The following PDE4DIP variants were observed in gnomAD, a reference collection of about 807,000 sequenced individuals.
PDE4DIP encodes the protein phosphodiesterase 4D interacting protein.
Under a neutral mutation model 221.4 loss-of-function variants are expected in PDE4DIP, and 59 were observed. That is an observed-to-expected ratio of 0.27 (90% CI 0.22 to 0.33). The LOEUF (loss-of-function observed/expected upper bound fraction) is 0.33. Ranked by LOEUF, PDE4DIP falls within the 10% of genes least tolerant of loss-of-function variation. The pLI is 1.00. For synonymous variants in PDE4DIP, 404 were observed against 815.9 expected (o/e 0.50, Z 8.60); for missense variants, 1,036 against 2,154.2 (o/e 0.48, Z 10.28).
At chr1:149,010,395 G>A (rs782108632) in intron 30 of PDE4DIP, 48 bp from the exon 34 acceptor site, 2 of 1,587,210 alleles carry the variant, frequency 1.3e-6, no homozygotes, top group South Asian at 2.2e-5. Flanking sequence ...CAGGATTCCA[G>A]TTCTCTGTAG....
chr1:148,934,664 C>CT (rs2048799659), intron 4 of PDE4DIP, among the ~76,000 whole-genome samples: 1 of 152,060 alleles, frequency 6.6e-6, no homozygotes, highest in African/African-American at 2.4e-5. Flanking sequence ...AGTACAGTGG[C>CT]AAGATCTCGG....
chr1:148,822,392 T>C (rs1309267099), intron 1 of PDE4DIP, among the ~76,000 whole-genome samples: 666 of 119,590 alleles, frequency 5.6e-3, no homozygotes, highest in African/African-American at 0.019. Flanking sequence ...CTCCACCTCC[T>C]GTCGATCAGC....
At chr1:149,009,501 G>A in intron 29 of PDE4DIP, 67 bp from the exon 33 acceptor site, 2 of 1,008,460 alleles carry the variant, frequency 2.0e-6, no homozygotes, top group South Asian at 1.4e-5. Flanking sequence ...TTTCCTATGA[G>A]CCATAGTCAG....
At chr1:149,031,825 A>C in intron 43 of PDE4DIP, 119 bp from the exon 47 acceptor site, 1 of 885,932 alleles carries the variant, frequency 1.1e-6, no homozygotes, top group South Asian at 1.4e-5. Flanking sequence ...CATCCTCTTA[A>C]CTGGCTCTCA....
At position 149,031,885 on chromosome 1, in the gene PDE4DIP, A is replaced by G. The variant is rs201581014; in HGVS notation, c.7000-59A>G. The stretch of plus-strand genomic sequence containing the variant: ...CGTAGCTCTCACTCCAGCTTCAGGT[A>G]GCCATCAGTAGGGCCTGGCAATATA... On this transcript the variant is annotated intron_variant, in intron 43 of 43. Coordinates refer to ENST00000369354, the Ensembl canonical transcript of PDE4DIP. 7.2e-4 allele frequency: 1,107 copies of G among 1,533,150 alleles called. 13 individuals carry two copies. The East Asian group carries it at 0.02, about 28-fold the overall frequency. The allele number at this position is 1,533,150 out of a possible 1,614,324, so 95.0% of individuals were successfully genotyped here. A position where few individuals can be genotyped will look rare whatever the true frequency, so the allele number is the denominator to read the frequency against.
rs782218026 is a variant in PDE4DIP, at chr1:149,028,710, T to C, written c.6813+7T>C. ...TGTGCTGCCTGGCAAAGTGGTAAGA[T>C]GCCAGTGCCCTTTCTTGGTTCAAAC... On this transcript the variant is annotated splice_region_variant and intron_variant, in intron 41 of 43. Transcript: ENST00000369354. 2.1e-5 allele frequency: 33 copies of C among 1,535,224 alleles called. No individual in the cohort carries two copies. The highest frequency in any genetic ancestry group is 1.2e-4 in the African/African-American group (9 of 72,634).
rs1358441711 is a variant in PDE4DIP at position 148,915,193 on chromosome 1, G to C, written c.142-14004G>C. Among the ~76,000 whole-genome samples the C allele has an allele frequency of 7.6e-4, 116 of 152,168 alleles. 1 individual carries two copies. The highest frequency in any genetic ancestry group is 2.6e-3 in the African/African-American group (109 of 41,384). ...GACAGAGTATGTCCCTGTTGCCCAG[G>C]CTGGAGTGCAGTGGTGCAATCTCGG... On this transcript the variant is annotated intron_variant, in intron 1 of 43. Transcript: ENST00000369354.
At chr1:149,001,811 A>G (rs1320775775) in exon 24 of PDE4DIP, 35 of 1,490,902 alleles carry the variant, frequency 2.3e-5, no homozygotes, top group Non-Finnish European at 3.0e-5. Context: ...CAACCTCCTC[A>G]AAGAACAACT....
chr1:148,962,935 A>C (rs2057280874), intron 9 of PDE4DIP, among the ~76,000 whole-genome samples: 1 of 152,104 alleles, frequency 6.6e-6, no homozygotes, highest in African/African-American at 2.4e-5. Context: ...CTCTGTCGCC[A>C]AGGTTGGAGT....
chr1:148,978,097 C>T, intron 18 of PDE4DIP, 44 bp downstream of exon 21: 1 of 1,555,208 alleles, frequency 6.4e-7, no homozygotes. Flanking sequence ...GTTCACAGCT[C>T]AGAATACCTG....
chr1:148,963,913 C>CAT (rs2057596491), intron 9 of PDE4DIP, among the ~76,000 whole-genome samples: 1 of 148,034 alleles, frequency 6.8e-6, no homozygotes, highest in Admixed American at 6.7e-5. Flanking sequence ...GCCGCCACCA[C>CAT]GCCCGGCTAA....
chr1:148,922,712 G>T (rs12126306), intron 1 of PDE4DIP, among the ~76,000 whole-genome samples: 1 of 148,344 alleles, frequency 6.7e-6, no homozygotes, highest in African/African-American at 2.5e-5. Flanking sequence ...CTCAGCCTCC[G>T]GAGTAGCTGG....
intron 21 of PDE4DIP, 157 bp downstream of exon 24, chr1:148,981,554 C>A (rs782048262): frequency 4.9e-6 from 4 of 821,602 alleles, no homozygotes; most frequent in Non-Finnish European, 7.9e-6. Flanking sequence ...AATGATAGAA[C>A]TGGTACAAGT....
chr1:148,844,286 C>A (rs1187021693), intron 1 of PDE4DIP, 142 bp from the exon 1 acceptor site: 7 of 279,124 alleles, frequency 2.5e-5, no homozygotes, highest in African/African-American at 4.3e-5. Context: ...TCTGAGCCAG[C>A]GAGAGAGGGG....
chr1:148,992,891 A>G (rs2063416570), intron 22 of PDE4DIP: 1 of 1,061,904 alleles, frequency 9.4e-7, no homozygotes, highest in East Asian at 5.1e-5. Flanking sequence ...TCTGCATAAG[A>G]CAAAGAAGAG....
chr1:149,024,626 C>T (rs782713076), exon 38 of PDE4DIP: 14 of 687,074 alleles, frequency 2.0e-5, no homozygotes, highest in Non-Finnish European at 3.3e-5. Context: ...GCCCCTCCTC[C>T]ATTAACCAGA....
intron 22 of PDE4DIP, among the ~76,000 whole-genome samples, chr1:148,997,813 A>G (rs2064637776): frequency 6.6e-6 from 1 of 152,176 alleles, no homozygotes; most frequent in African/African-American, 2.4e-5. Context: ...TCAGGAAGAG[A>G]AAGAATCACC....
At position 148,933,743 on chromosome 1, in the gene PDE4DIP, T is replaced by C. The variant is rs2048585998; in HGVS notation, c.518+1455T>C. Among the ~76,000 whole-genome samples the C allele has an allele frequency of 3.3e-5, 5 of 152,184 alleles. 1 individual carries two copies. In the South Asian group the frequency reaches 1.0e-3, roughly 32 times the overall value. ...CAGAGCCATTTAAGAAGCTTTGCAA[T>C]ACCTTTAGGAGATAAGATCCATACT... On this transcript the variant is annotated intron_variant, in intron 4 of 43. Transcript: ENST00000369354.
chr1:148,846,444 CAAAAAAAAAAAAAAAA>C (rs143812422), intron 1 of PDE4DIP, among the ~76,000 whole-genome samples: 3 of 3,532 alleles, frequency 8.5e-4, no homozygotes, highest in African/African-American at 3.2e-3. Flanking sequence ...AACTCCGCCT[CAAAAAAAAAAAAAAAA>C]AAAAAAAAAA....
Sources: gnomAD v4.1 joint callset for allele counts (sites outside exome capture counted in the v4.1 genomes callset) on GRCh38, gnomAD v4.1.1 for gene constraint, MANE v1.5 for transcripts, NCBI Gene and HGNC (gene_info 2026-07-23, HGNC 2026-07-21) for gene names.